SNX25: variants seen among roughly 807,000 people sequenced by gnomAD.
SNX25 encodes sorting nexin 25, also known as sorting nexin-25.
A neutral mutation model predicts 113.7 loss-of-function variants in SNX25; 62 were observed. The observed-to-expected ratio is 0.55, with a 90% CI of 0.44 to 0.67. The LOEUF (loss-of-function observed/expected upper bound fraction) is 0.67, where lower values mean the gene tolerates loss of function less well. Among genes scored for constraint, SNX25 ranks in the 30% least tolerant of loss-of-function variants. The probability of loss-of-function intolerance (pLI) is 0.00; values close to 1 mark genes in which losing one functional copy is unlikely to be tolerated. For missense variants in SNX25, 1,014 were observed against 1,161.0 expected (o/e 0.87, Z 1.84); for synonymous variants, 421 against 436.2 (o/e 0.97, Z 0.43).
chr4:185,275,916 C>T (rs1534146), intron 5 of SNX25, among the ~76,000 whole-genome samples: 134,519 of 152,222 alleles, frequency 0.88, 59,776 homozygotes, highest in African/African-American at 0.97. Flanking sequence ...TCCAAAAAAA[C>T]TCAAAATGTG....
intron 1 of SNX25, among the ~76,000 whole-genome samples, chr4:185,214,384 C>A (rs572578612): frequency 1.5e-5 from 2 of 131,936 alleles, no homozygotes; most frequent in Non-Finnish European, 3.2e-5. Flanking sequence ...TAGAGAAACT[C>A]CATCTCTACC....
intron 3 of SNX25, among the ~76,000 whole-genome samples, chr4:185,261,154 G>GTGTGTA (rs1431374486): frequency 1.4e-5 from 2 of 141,772 alleles, no homozygotes; most frequent in African/African-American, 5.3e-5. Flanking sequence ...GTGTGTGTGT[G>GTGTGTA]TGTATGTATG....
chr4:185,224,136 G>A (rs981321503), intron 1 of SNX25, among the ~76,000 whole-genome samples: 4 of 152,064 alleles, frequency 2.6e-5, no homozygotes, highest in Non-Finnish European at 5.9e-5. Context: ...TGGGTCACCT[G>A]AGGTTAGGAG....
At chr4:185,205,182 G>T (rs1327816403), upstream of SNX25, among the ~76,000 whole-genome samples, 1 of 152,244 alleles carries the variant, frequency 6.6e-6, no homozygotes, top group Non-Finnish European at 1.5e-5. Context: ...TTGGCTGGGC[G>T]CAGTGGCTCA....
intron 16 of SNX25, among the ~76,000 whole-genome samples, chr4:185,359,975 T>C (rs2095354657): frequency 1.3e-5 from 2 of 152,218 alleles, no homozygotes; most frequent in Non-Finnish European, 2.9e-5. Context: ...CTTCAGCAGA[T>C]GATGACTCAT....
intron 13 of SNX25, among the ~76,000 whole-genome samples, chr4:185,348,399 AT>A (rs34672453): frequency 9.4e-5 from 14 of 149,164 alleles, no homozygotes; most frequent in South Asian, 2.1e-4. Flanking sequence ...TCATTTCTTT[AT>A]TTTTTTTTTT....
chr4:185,314,341 A>AT (rs1302446180), intron 7 of SNX25, among the ~76,000 whole-genome samples: 1 of 151,414 alleles, frequency 6.6e-6, no homozygotes, highest in African/African-American at 2.4e-5. Flanking sequence ...AAAAAAAAAA[A>AT]AAATTAAAAG....
At chr4:185,351,681 G>A in intron 14 of SNX25, 72 bp downstream of exon 14, 1 of 1,494,410 alleles carries the variant, frequency 6.7e-7, no homozygotes, top group Non-Finnish European at 9.1e-7. Flanking sequence ...TCCTCATGGG[G>A]GGAAGCAAAT....
chr4:185,371,349 C>A (rs533535802), downstream of SNX25, among the ~76,000 whole-genome samples: 1 of 151,934 alleles, frequency 6.6e-6, no homozygotes, highest in African/African-American at 2.4e-5. Context: ...ACCATCCTGG[C>A]TAACATGGTG....
the SNX25 span, chr4:185,375,632 A>G: frequency 6.2e-7 from 1 of 1,608,708 alleles, no homozygotes; most frequent in Non-Finnish European, 8.5e-7. Flanking sequence ...AGTGGTCCCC[A>G]GCCCATCATA....
At chr4:185,285,316 T>A (rs564846885) in intron 5 of SNX25, among the ~76,000 whole-genome samples, 2 of 152,328 alleles carry the variant, frequency 1.3e-5, no homozygotes, top group South Asian at 4.1e-4. Flanking sequence ...AGGACCATAT[T>A]GGTGGTGTTC....
At chr4:185,251,867 T>G (rs1390034234) in intron 2 of SNX25, among the ~76,000 whole-genome samples, 1 of 152,162 alleles carries the variant, frequency 6.6e-6, no homozygotes, top group African/African-American at 2.4e-5. Flanking sequence ...GCAAAAACAT[T>G]ATCCTGAAGC....
intron 4 of SNX25, 103 bp downstream of exon 4, chr4:185,264,713 C>A: frequency 7.9e-7 from 1 of 1,268,720 alleles, no homozygotes; most frequent in Non-Finnish European, 1.1e-6. Context: ...GAAGTATTTT[C>A]AAAATCTTGT....
At chr4:185,302,407 T>TC (rs34795744) in intron 6 of SNX25, among the ~76,000 whole-genome samples, 6 of 152,012 alleles carry the variant, frequency 3.9e-5, no homozygotes, top group African/African-American at 9.7e-5. Context: ...GACTGAACCC[T>TC]CCCCCTGTGG....
In SNX25 at chr4:185,297,774, ATAAGGGCTC is replaced by A. The variant is rs1753042689; in HGVS notation, c.1162+9696_1162+9704del. ...GGAGAATTCTAGTCTTTCTCTTTGA[ATAAGGGCTC>A]TAACTCCATCATGGGGCTTCTACCT... is the stretch of plus-strand genomic sequence containing the variant. On this transcript the variant is annotated intron_variant, in intron 6 of 18. Transcript: ENST00000652585. 2.0e-5 allele frequency among the ~76,000 whole-genome samples: 3 copies of A among 152,180 alleles called. No homozygotes were observed. In the South Asian group the frequency reaches 6.2e-4, roughly 32 times the overall value.
chr4:185,339,991 T>C (rs931910660), intron 11 of SNX25, among the ~76,000 whole-genome samples: 3 of 152,206 alleles, frequency 2.0e-5, no homozygotes, highest in Non-Finnish European at 2.9e-5. Flanking sequence ...GTTTGTAGAA[T>C]ATACTGTATC....
intron 1 of SNX25, among the ~76,000 whole-genome samples, chr4:185,214,487 C>G (rs1738453584): frequency 1.3e-5 from 2 of 151,464 alleles, no homozygotes; most frequent in Admixed American, 1.3e-4. Flanking sequence ...GCAGGAGGAT[C>G]GCTTGAGCCC....
At chr4:185,223,349 A>C (rs1301568316) in intron 1 of SNX25, among the ~76,000 whole-genome samples, 1 of 152,110 alleles carries the variant, frequency 6.6e-6, no homozygotes, top group African/African-American at 2.4e-5. Flanking sequence ...TGTCCTGTAG[A>C]GTGTCCTGTA....
chr4:185,342,214 T>C (rs1420387825), intron 12 of SNX25, 98 bp downstream of exon 12: 1 of 1,338,508 alleles, frequency 7.5e-7, no homozygotes, highest in Non-Finnish European at 9.9e-7. Flanking sequence ...TCCTTTGCTG[T>C]TGATACTGGC....
Sources: allele counts gnomAD v4.1 joint callset (sites outside exome capture counted in the v4.1 genomes callset), GRCh38; gene constraint gnomAD v4.1.1; transcripts MANE v1.5; gene names NCBI Gene and HGNC (gene_info 2026-07-23, HGNC 2026-07-21).